ZKSCAN2: variants seen among roughly 807,000 people sequenced by gnomAD.
The protein encoded by ZKSCAN2 is zinc finger protein with KRAB and SCAN domains 2.
In ZKSCAN2, 38 loss-of-function variants were observed where a neutral mutation model predicts 90.5. The ratio of observed to expected loss-of-function variants is 0.42; its 90% confidence interval spans 0.32 to 0.55. ZKSCAN2 has a LOEUF of 0.55. Ranked by LOEUF, ZKSCAN2 falls within the 20% of genes least tolerant of loss-of-function variation. ZKSCAN2 has a pLI of 0.11. For synonymous variants in ZKSCAN2, 429 were observed against 421.6 expected, an observed-to-expected ratio of 1.02 and a Z score of -0.22; for missense variants, 1,167 against 1,202.6, an observed-to-expected ratio of 0.97 and a Z score of 0.44.
intron 4 of ZKSCAN2, among the ~76,000 whole-genome samples, chr16:25,251,109 G>A (rs1302008184): frequency 6.6e-6 from 1 of 151,880 alleles, no homozygotes; most frequent in Non-Finnish European, 1.5e-5. Flanking sequence ...CCCCAATAAA[G>A]TCGAAAAAAA....
chr16:25,247,839 T>C (rs1036229331), intron 4 of ZKSCAN2, among the ~76,000 whole-genome samples: 1 of 152,174 alleles, frequency 6.6e-6, no homozygotes, highest in African/African-American at 2.4e-5. Flanking sequence ...CAAGAATTTT[T>C]TGTTAAACTA....
Position 25,253,038 on chromosome 16 carries a change from C to T in ZKSCAN2, c.587-1G>A. The T allele has an allele frequency of 6.2e-7, 1 of 1,612,798 alleles. No individual in the cohort carries two copies. The highest frequency in any genetic ancestry group is 2.2e-5 in the East Asian group (1 of 44,870). On this transcript the variant is annotated splice_acceptor_variant, in intron 2 of 6. Coordinates refer to ENST00000328086, the MANE Select transcript of ZKSCAN2 (RefSeq NM_001012981.5). LOFTEE classifies it high-confidence loss of function. ...GCAGGAACCCAGGGAGAAGGCCGAG[C>T]TGTAAGAATAGAAAGAAACGATTAG... is the stretch of plus-strand genomic sequence containing the variant.
At chr16:25,252,867 G>T in intron 3 of ZKSCAN2, 79 bp downstream of exon 3, 1 of 1,192,578 alleles carries the variant, frequency 8.4e-7, no homozygotes, top group Non-Finnish European at 1.2e-6. Context: ...GCAGTGAGCT[G>T]AGATTGCGCC....
chr16:25,244,521 T>C (rs1043048931), intron 5 of ZKSCAN2, among the ~76,000 whole-genome samples: 1 of 152,214 alleles, frequency 6.6e-6, no homozygotes, highest in African/African-American at 2.4e-5. Flanking sequence ...TGTACAGATA[T>C]CATTTCTCAT....
In ZKSCAN2 at chr16:25,240,424, G is replaced by C. The variant is rs752800344; in HGVS notation, c.2296C>G (p.Arg766Gly). Residue 766 changes from arginine to glycine, a missense_variant, in exon 7 of 7, where the codon CGG becomes GGG. By Grantham distance (125) the Arg-to-Gly change is moderately radical. Coordinates refer to ENST00000328086, the MANE Select transcript of ZKSCAN2 (RefSeq NM_001012981.5). ...GGATTCTCCTTGTGGTGGGTCATCC[G>C]GCACATCAGACGAGTGCTCCTTCCA... is the stretch of plus-strand genomic sequence containing the variant. ...SFGRSTRLMC[R>G]MTHHKENPYK... 3.7e-6 allele frequency: 6 copies of C among 1,614,078 alleles called. No homozygotes were observed. The highest frequency in any genetic ancestry group is 4.2e-6 in the Non-Finnish European group (5 of 1,180,022).
intron 6 of ZKSCAN2, among the ~76,000 whole-genome samples, chr16:25,241,548 C>A (rs1398043606): frequency 3.9e-5 from 6 of 152,228 alleles, no homozygotes; most frequent in African/African-American, 1.4e-4. Context: ...ATGACCTATT[C>A]ATGGCCAATC....
rs371195148 is a variant in ZKSCAN2 at position 25,257,121 on chromosome 16, C to T, written c.7G>A (p.Val3Ile). 3.6e-5 allele frequency: 57 copies of T among 1,599,396 alleles called. No homozygotes were observed. The highest frequency in any genetic ancestry group is 4.8e-5 in the Non-Finnish European group (56 of 1,171,906). ...GCGTCGATCTGAGAGTCGAGGGCGA[C>T]AGCCATGCTGCAGCCCAGGGGTCAA... MAVALDSQIDAPL... is the reference protein window; with the variant it reads MAIALDSQIDAPL... Residue 3 changes from valine to isoleucine, a missense_variant, in exon 1 of 7, where the codon GTC becomes ATC. Transcript: ENST00000328086.
At chr16:25,249,634 G>A (rs1962988895) in intron 4 of ZKSCAN2, among the ~76,000 whole-genome samples, 1 of 152,048 alleles carries the variant, frequency 6.6e-6, no homozygotes, top group Non-Finnish European at 1.5e-5. Flanking sequence ...ACGAAAACAT[G>A]TATCAAAACA....
At position 25,244,110 on chromosome 16, in the gene ZKSCAN2, G is replaced by C; in HGVS notation, c.1656C>G (p.Thr552=). 1 of 1,614,166 alleles carries C rather than the reference G, an allele frequency of 6.2e-7. No homozygotes were observed. Among genetic ancestry groups the C allele is most frequent in the Non-Finnish European group, 8.5e-7 (1 of 1,180,032 alleles). The change falls in exon 6 of 7, where the codon ACC becomes ACG. Residue 552 remains threonine (T), a synonymous_variant. Coordinates refer to ENST00000328086, the MANE Select transcript of ZKSCAN2 (RefSeq NM_001012981.5). ...GFLRTPEQCR[T]KFKSLQKSYR... is the part of the protein sequence containing the mutation. ...AACTCTTCTGAAGGCTTTTGAACTT[G>C]GTTCGGCACTGTTCTGGTGTCCGGA...
In ZKSCAN2 at chr16:25,240,310, T is replaced by A; in HGVS notation, c.2410A>T (p.Lys804Ter). ...QRIHTGEKPF[K>*]CLDCGKSFND... The stretch of plus-strand genomic sequence containing the variant: ...AAGCTTTTTCCACAGTCAAGACATT[T>A]AAAAGGTTTTTCGCCTGTGTGGATT... The change falls in exon 7 of 7, where the codon AAA becomes TAA. Residue 804 changes from lysine (K) to a stop codon, truncating the protein, a stop_gained. Transcript: ENST00000328086. LOFTEE classifies it high-confidence loss of function. 1 of 1,614,126 alleles carries A rather than the reference T, an allele frequency of 6.2e-7. No homozygotes were observed. The highest frequency in any genetic ancestry group is 8.5e-7 in the Non-Finnish European group (1 of 1,180,032).
At chr16:25,241,746 A>G (rs1389032937) in intron 6 of ZKSCAN2, among the ~76,000 whole-genome samples, 3 of 152,204 alleles carry the variant, frequency 2.0e-5, no homozygotes, top group African/African-American at 4.8e-5. Context: ...TTTCAACATT[A>G]CTTTCCTTCC....
rs560785790 is a variant in ZKSCAN2, at chr16:25,238,539, C to T, written c.*1277G>A. 3 of 152,270 alleles carry T rather than the reference C, an allele frequency of 2.0e-5. No individual in the cohort carries two copies. The highest frequency in any genetic ancestry group is 6.5e-5 in the Admixed American group (1 of 15,294). The allele number at this position is 152,270 out of a possible 1,614,324, so 9.4% of individuals were successfully genotyped here. On this transcript the variant is annotated 3_prime_UTR_variant, in exon 7 of 7. Transcript: ENST00000328086. ...AACAAGTAAATGAGGAAAACAAAAA[C>T]GGTGTTCTGGATTTCTGGATTGAAG...
rs771688659 is a variant in ZKSCAN2 at position 25,255,374 on chromosome 16, G to T, written c.418C>A (p.Arg140=). ...GCTCCAAGTGGGGAGTGCTTCTCCC[G>T]GTGCACGGGACTGCTGACCTGAGAA... ...LRQQVSSPVH[R]EKHSPLGAAW... is the part of the protein sequence containing the mutation. Residue 140 remains arginine (R), a synonymous_variant, in exon 2 of 7, where the codon CGG becomes AGG. Coordinates refer to ENST00000328086, the MANE Select transcript of ZKSCAN2 (RefSeq NM_001012981.5). 3 of 1,611,922 alleles carry T rather than the reference G, an allele frequency of 1.9e-6. No individual in the cohort carries two copies. The highest frequency in any genetic ancestry group is 1.7e-5 in the Admixed American group (1 of 59,894).
Position 25,239,707 on chromosome 16 carries a change from T to C in ZKSCAN2, c.*109A>G. ...GATGAAAGTGTTTAGTTTATTTATATTCTCAAGTTTATCTTGGAAATTACA... is the reference window on the plus strand; with the variant it reads ...GATGAAAGTGTTTAGTTTATTTATACTCTCAAGTTTATCTTGGAAATTACA... On this transcript the variant is annotated 3_prime_UTR_variant, in exon 7 of 7. Coordinates refer to ENST00000328086, the MANE Select transcript of ZKSCAN2 (RefSeq NM_001012981.5). 4.1e-6 allele frequency: 4 copies of C among 973,038 alleles called. No homozygotes were observed. The highest frequency in any genetic ancestry group is 3.5e-5 in the South Asian group (2 of 57,420). The allele number at this position is 973,038 out of a possible 1,614,324, so 60.3% of individuals were successfully genotyped here. A position where few individuals can be genotyped will look rare whatever the true frequency, so the allele number is the denominator to read the frequency against.
chr16:25,240,889 T>A, intron 6 of ZKSCAN2, 151 bp from the exon 7 acceptor site: 1 of 650,874 alleles, frequency 1.5e-6, no homozygotes, highest in Non-Finnish European at 2.6e-6. Context: ...TATATTTCTT[T>A]CCATTCATAA....
At position 25,243,903 on chromosome 16, in the gene ZKSCAN2, A is replaced by C. The variant is rs375136200; in HGVS notation, c.1863T>G (p.Pro621=). 6 of 1,613,928 alleles carry C rather than the reference A, an allele frequency of 3.7e-6. No homozygotes were observed. In the African/African-American group the frequency reaches 8.0e-5, roughly 22 times the overall value. ...TTACTGCCTCCTGTGAGGTCTCTTC[A>C]GGTTCCCAGCCTGTAGGTTCCTGGG... The part of the protein sequence containing the change: ...VEPQEPTGWE[P]EETSQEAVIE... The change falls in exon 6 of 7, where the codon CCT becomes CCG. Residue 621 remains proline, a synonymous_variant. Coordinates refer to ENST00000328086, the MANE Select transcript of ZKSCAN2 (RefSeq NM_001012981.5).
chr16:25,240,990 A>G (rs555060930), intron 6 of ZKSCAN2, among the ~76,000 whole-genome samples: 1 of 152,308 alleles, frequency 6.6e-6, no homozygotes, highest in East Asian at 1.9e-4. Flanking sequence ...TATCCCGATT[A>G]ACAAGGGTGC....
At chr16:25,254,782 C>T (rs986060626) in intron 2 of ZKSCAN2, among the ~76,000 whole-genome samples, 8 of 151,602 alleles carry the variant, frequency 5.3e-5, no homozygotes, top group African/African-American at 1.9e-4. Flanking sequence ...TCTAAGTTTC[C>T]CCAGTTTGGA....
rs747229216 is a variant in ZKSCAN2 at position 25,236,737 on chromosome 16, G to T, written c.*3079C>A. ...GTTTCTTTCCAGATGAATGAATTAG[G>T]TTGAATGCATAATAACATCACTGGT... On this transcript the variant is annotated 3_prime_UTR_variant, in exon 7 of 7. Transcript: ENST00000328086. 31 of 152,214 alleles carry T rather than the reference G, an allele frequency of 2.0e-4. 1 individual carries two copies. The highest frequency in any genetic ancestry group is 7.2e-4 in the Admixed American group (11 of 15,292). The allele number at this position is 152,214 out of a possible 1,614,324, so 9.4% of individuals were successfully genotyped here.
Sources: gnomAD v4.1 joint callset for allele counts (sites outside exome capture counted in the v4.1 genomes callset) on GRCh38, gnomAD v4.1.1 for gene constraint, MANE v1.5 for transcripts, NCBI Gene and HGNC (gene_info 2026-07-23, HGNC 2026-07-21) for gene names.